Variants in GCSAML observed in about 807,000 individuals in gnomAD.
GCSAML encodes the protein germinal center-associated signaling and motility-like protein.
Under a neutral mutation model 13.0 loss-of-function variants are expected in GCSAML, and 9 were observed. The observed-to-expected ratio is 0.69, with a 90% CI of 0.42 to 1.21. The LOEUF (loss-of-function observed/expected upper bound fraction) is 1.21, where lower values mean the gene tolerates loss of function less well. Among genes scored for constraint, GCSAML ranks in the 50% most tolerant of loss-of-function variants. The probability of loss-of-function intolerance (pLI) is 0.00; values close to 1 mark genes in which losing one functional copy is unlikely to be tolerated. For synonymous variants in GCSAML, 37 were observed against 52.9 expected (o/e 0.70, Z 1.31); for missense variants, 143 against 153.4 (o/e 0.93, Z 0.36).
At chr1:247,548,277 G>A (rs111347178), upstream of GCSAML, among the ~76,000 whole-genome samples, 83 of 152,326 alleles carry the variant, frequency 5.4e-4, 1 homozygote, top group African/African-American at 9.1e-4. The surrounding 1 kb of genome is among the most constrained non-coding windows in gnomAD (Gnocchi z 5.3). Context: ...ATCTCCTGCC[G>A]CTGATATTGT....
At chr1:247,532,124 G>T (rs1667000475) in intron 2 of GCSAML, 1 of 1,614,062 alleles carries the variant, frequency 6.2e-7, no homozygotes, top group Non-Finnish European at 8.5e-7. Flanking sequence ...TAATGGAGTG[G>T]CCTGCAGATG....
chr1:247,562,590 C>G (rs1401505863), intron 2 of GCSAML, among the ~76,000 whole-genome samples: 5 of 152,158 alleles, frequency 3.3e-5, no homozygotes, highest in Non-Finnish European at 7.3e-5. Flanking sequence ...GTTTTTCCCT[C>G]AGCCCAGGCA....
rs866470788 is a variant in GCSAML, at chr1:247,522,354, G to T, written c.-262-4586G>T. ...TGGGAGGTGGGGGACGCCTCTGCCC[G>T]GCCGCCCCTTCTGGGAGGTGAGGAG... On this transcript the variant is annotated intron_variant, in intron 1 of 5. Coordinates refer to the GCSAML transcript ENST00000366489. 2.7e-5 allele frequency among the ~76,000 whole-genome samples: 4 copies of T among 147,236 alleles called. No individual in the cohort carries two copies. The South Asian group carries it at 8.7e-4, about 32-fold the overall frequency.
Position 247,561,489 on chromosome 1 carries a change from G to T in GCSAML, c.90-2101G>T, listed in dbSNP as rs532140294. 2.0e-5 allele frequency among the ~76,000 whole-genome samples: 3 copies of T among 152,132 alleles called. 1 individual carries two copies. In the South Asian group the frequency reaches 6.2e-4, roughly 32 times the overall value. On this transcript the variant is annotated intron_variant, in intron 2 of 4. Transcript: ENST00000366488. The stretch of plus-strand genomic sequence containing the variant: ...CTCACTGTGCTATCAAATACTAGGA[G>T]TTATTTGTTCTAGCTAACTATATTT...
chr1:247,535,149 C>G (rs1376904779), intron 2 of GCSAML, among the ~76,000 whole-genome samples: 1 of 151,844 alleles, frequency 6.6e-6, no homozygotes, highest in African/African-American at 2.4e-5. Flanking sequence ...ATTGTCTTTA[C>G]AAAAAAATAA....
intron 2 of GCSAML, chr1:247,532,352 C>T (rs374163013): frequency 3.7e-6 from 6 of 1,613,968 alleles, no homozygotes; most frequent in Non-Finnish European, 4.2e-6. Flanking sequence ...TGGAGGTGCA[C>T]ATCTGTATGG....
chr1:247,515,724 C>T (rs751945865), intron 1 of GCSAML, among the ~76,000 whole-genome samples: 3 of 152,152 alleles, frequency 2.0e-5, no homozygotes, highest in African/African-American at 7.2e-5. Context: ...TTTTAAACAA[C>T]CAGATCTTGT....
intron 1 of GCSAML, among the ~76,000 whole-genome samples, chr1:247,554,726 A>G (rs774863645): frequency 2.0e-5 from 3 of 152,054 alleles, no homozygotes; most frequent in African/African-American, 4.8e-5. Context: ...GTTATAGCTT[A>G]TTGGGTTTTA....
In GCSAML at chr1:247,575,341, G is replaced by T. The variant is rs1407586021; in HGVS notation, c.*959G>T. On this transcript the variant is annotated 3_prime_UTR_variant, in exon 5 of 5. Coordinates refer to ENST00000366488, the MANE Select transcript of GCSAML (RefSeq NM_145278.5). ...GAATTTGGGTTTTGGTTACCAATAA[G>T]TCTCCACAAATATATGTCCAAGAAT... 6.6e-6 allele frequency: 1 copy of T among 152,060 alleles called. No individual in the cohort carries two copies. Among genetic ancestry groups the T allele is most frequent in the Non-Finnish European group, 1.5e-5 (1 of 68,006 alleles). 9.4% of individuals were successfully genotyped at this position (152,060 alleles called of 1,614,324 possible).
intron 1 of GCSAML, among the ~76,000 whole-genome samples, chr1:247,513,577 G>T (rs1327914228): frequency 6.6e-6 from 1 of 152,252 alleles, no homozygotes; most frequent in Non-Finnish European, 1.5e-5. Context: ...CCTGCAGCTA[G>T]CTCAGTGTCT....
upstream of GCSAML, chr1:247,549,090 A>T (rs768604201): frequency 3.7e-6 from 6 of 1,611,596 alleles, no homozygotes; most frequent in Non-Finnish European, 5.1e-6. Context: ...CCGTGGTCAG[A>T]TGCAACGTCC....
At chr1:247,532,252 C>T in intron 2 of GCSAML, 1 of 1,614,198 alleles carries the variant, frequency 6.2e-7, no homozygotes, top group African/African-American at 1.3e-5. Flanking sequence ...CTGTGGTCCC[C>T]AGAGGTTAGC....
intron 2 of GCSAML, among the ~76,000 whole-genome samples, chr1:247,560,930 CATTT>C (rs1468337460): frequency 6.6e-6 from 1 of 151,894 alleles, no homozygotes; most frequent in Non-Finnish European, 1.5e-5. Context: ...ACTTTTGTTT[CATTT>C]GTTTAGATTT....
intron 1 of GCSAML, among the ~76,000 whole-genome samples, chr1:247,508,531 A>C (rs1665906431): frequency 6.6e-6 from 1 of 152,032 alleles, no homozygotes; most frequent in Non-Finnish European, 1.5e-5. Context: ...CCCATTTGTC[A>C]ATTTTGGCTT....
chr1:247,530,241 C>T (rs1666864601), intron 2 of GCSAML: 1 of 152,170 alleles, frequency 6.6e-6, no homozygotes, highest in Non-Finnish European at 1.5e-5. Flanking sequence ...GCCTTTGAAT[C>T]ATCAGGCAGA....
intron 2 of GCSAML, chr1:247,530,496 C>T (rs771418848): frequency 6.7e-6 from 1 of 149,498 alleles, no homozygotes; most frequent in South Asian, 2.2e-4. Context: ...TTCCCTGAAC[C>T]AGTCCACAAA....
chr1:247,564,345 AAG>A (rs1283688369), intron 3 of GCSAML, among the ~76,000 whole-genome samples: 1 of 151,696 alleles, frequency 6.6e-6, no homozygotes, highest in Non-Finnish European at 1.5e-5. Context: ...GCCAGAAATT[AAG>A]AGTCCAGCCT....
At chr1:247,519,296 A>G (rs931899084) in intron 1 of GCSAML, 1 of 152,228 alleles carries the variant, frequency 6.6e-6, no homozygotes, top group African/African-American at 2.4e-5. Flanking sequence ...ACAGGCAGAT[A>G]ATGACTGCTT....
chr1:247,520,089 C>T (rs1666360852), intron 1 of GCSAML, among the ~76,000 whole-genome samples: 1 of 152,070 alleles, frequency 6.6e-6, no homozygotes, highest in African/African-American at 2.4e-5. Context: ...TTAAAATTTA[C>T]ACTAAAAAAA....
Sources: gnomAD v4.1 joint callset for allele counts (sites outside exome capture counted in the v4.1 genomes callset) on GRCh38, gnomAD v4.1.1 for gene constraint, Gnocchi (gnomAD v3.1) non-coding constraint, MANE v1.5 for transcripts, NCBI Gene and HGNC (gene_info 2026-07-23, HGNC 2026-07-21) for gene names.